The following CNOT6L variants were observed in gnomAD, a reference collection of about 807,000 sequenced individuals.
The protein encoded by CNOT6L is CCR4-NOT transcription complex subunit 6 like.
CNOT6L carries 7 observed loss-of-function variants against 64.0 expected under a neutral mutation model. The ratio of observed to expected loss-of-function variants is 0.11; its 90% CI spans 0.06 to 0.21. The LOEUF is 0.21. CNOT6L is among the 10% of genes least tolerant of loss of function. The pLI is 1.00. For missense variants in CNOT6L, 245 were observed against 669.0 expected (o/e 0.37, Z 6.99); for synonymous variants, 193 against 243.4 (o/e 0.79, Z 1.93).
At chr4:77,787,807 T>G (rs1253196157) in intron 1 of CNOT6L, among the ~76,000 whole-genome samples, 2 of 152,222 alleles carry the variant, frequency 1.3e-5, no homozygotes, top group Non-Finnish European at 2.9e-5. Flanking sequence ...AATTAATTTC[T>G]CCCAACAATC....
At position 77,773,172 on chromosome 4, in the gene CNOT6L, TTA is replaced by T. The variant is rs1491330787; in HGVS notation, c.315-8_315-7del. On this transcript the variant is annotated splice_polypyrimidine_tract_variant and splice_region_variant and intron_variant, in intron 3 of 11. Coordinates refer to ENST00000504123, the MANE Select transcript of CNOT6L (RefSeq NM_144571.3). Reference sequence around the variant, plus strand: ...TGTTATTTAAAAGCAATTCCCTGTTTTAAAAAAAAAAAAAAAATTAGTTTAAT... The same window carrying T: ...TGTTATTTAAAAGCAATTCCCTGTTTAAAAAAAAAAAAAAATTAGTTTAAT... 1.3e-6 allele frequency: 2 copies of T among 1,526,532 alleles called. No homozygotes were observed. Among genetic ancestry groups the T allele is most frequent in the African/African-American group, 1.4e-5 (1 of 69,460 alleles). The allele number at this position is 1,526,532 out of a possible 1,614,324, so 94.6% of individuals were successfully genotyped here.
intron 1 of CNOT6L, among the ~76,000 whole-genome samples, chr4:77,805,782 G>C (rs964893972): frequency 1.1e-4 from 17 of 152,180 alleles, no homozygotes; most frequent in Admixed American, 5.2e-4. Context: ...GCCTTCTCCA[G>C]ACTGAAGAAA....
chr4:77,723,815 G>A (rs1333326196), intron 11 of CNOT6L, among the ~76,000 whole-genome samples: 1 of 152,158 alleles, frequency 6.6e-6, no homozygotes, highest in Non-Finnish European at 1.5e-5. Flanking sequence ...GGCTCAATAG[G>A]ATTTTTGATT....
At chr4:77,739,232 T>C (rs564051463) in intron 8 of CNOT6L, among the ~76,000 whole-genome samples, 9 of 152,304 alleles carry the variant, frequency 5.9e-5, no homozygotes, top group Admixed American at 4.6e-4. Flanking sequence ...CAGTTTTTCA[T>C]GTATGATTAA....
chr4:77,742,069 C>A, intron 8 of CNOT6L, 72 bp downstream of exon 8: 2 of 1,411,708 alleles, frequency 1.4e-6, no homozygotes, highest in East Asian at 2.4e-5. Flanking sequence ...AGGGCAAAAC[C>A]AAAGACAATT....
Position 77,713,949 on chromosome 4 carries a change from AT to A in CNOT6L, c.*6481del, listed in dbSNP as rs1214853395. On this transcript the variant is annotated 3_prime_UTR_variant, in exon 12 of 12. Transcript: ENST00000504123. Reference sequence around the variant, plus strand: ...ATTAAATAGTCTAATTTAAAAAAAAATCTTAGATTTTAAACTGATTACTGAA... The same window carrying A: ...ATTAAATAGTCTAATTTAAAAAAAAACTTAGATTTTAAACTGATTACTGAA... 2 of 152,604 alleles carry A rather than the reference AT, an allele frequency of 1.3e-5. No individual in the cohort carries two copies. The highest frequency in any genetic ancestry group is 2.9e-5 in the Non-Finnish European group (2 of 68,026). The allele number at this position is 152,604 out of a possible 1,614,324, so 9.5% of individuals were successfully genotyped here.
chr4:77,760,044 A>C lies in CNOT6L; in HGVS notation c.401-3093T>G, dbSNP rs528240904. On this transcript the variant is annotated intron_variant, in intron 4 of 11. Coordinates refer to ENST00000504123, the MANE Select transcript of CNOT6L (RefSeq NM_144571.3). Reference sequence around the variant, plus strand: ...TAAACATCACACTTCCCAATAATCCATGAGCCAAAAAGGATGTCACCAGGA... The same window carrying C: ...TAAACATCACACTTCCCAATAATCCCTGAGCCAAAAAGGATGTCACCAGGA... 4.6e-5 allele frequency among the ~76,000 whole-genome samples: 7 copies of C among 152,290 alleles called. No individual in the cohort carries two copies. The South Asian group carries it at 1.4e-3, about 32-fold the overall frequency.
In CNOT6L at chr4:77,714,989, T is replaced by C. The variant is rs1720593127; in HGVS notation, c.*5442A>G. The stretch of plus-strand genomic sequence containing the variant: ...CTACAAACTAAATTAAATTGGTACA[T>C]ATAACAATTGATAGCTTGAAAGACA... On this transcript the variant is annotated 3_prime_UTR_variant, in exon 12 of 12. Transcript: ENST00000504123. 6.6e-6 allele frequency: 1 copy of C among 152,436 alleles called. No homozygotes were observed. Among genetic ancestry groups the C allele is most frequent in the Non-Finnish European group, 1.5e-5 (1 of 68,010 alleles). 9.4% of individuals were successfully genotyped at this position (152,436 alleles called of 1,614,324 possible).
At chr4:77,764,560 G>A (rs555648771) in intron 4 of CNOT6L, among the ~76,000 whole-genome samples, 13 of 152,158 alleles carry the variant, frequency 8.5e-5, no homozygotes, top group African/African-American at 3.1e-4. Flanking sequence ...CTTTCTTGCA[G>A]GAGATCCAAG....
intron 4 of CNOT6L, among the ~76,000 whole-genome samples, chr4:77,760,885 T>TTTTTTTG: frequency 7.8e-6 from 1 of 128,612 alleles, no homozygotes; most frequent in Non-Finnish European, 1.6e-5. Flanking sequence ...TTTTTTTTTT[T>TTTTTTTG]TTTTTTTTTT....
At chr4:77,802,828 A>G (rs1338900310) in intron 1 of CNOT6L, among the ~76,000 whole-genome samples, 3 of 152,250 alleles carry the variant, frequency 2.0e-5, no homozygotes, top group Non-Finnish European at 4.4e-5. Flanking sequence ...ATCTGAACAT[A>G]GTTAAGACCA....
chr4:77,739,609 G>A (rs1723355821), intron 8 of CNOT6L, among the ~76,000 whole-genome samples: 1 of 152,146 alleles, frequency 6.6e-6, no homozygotes, highest in African/African-American at 2.4e-5. Flanking sequence ...GACAGAAGGT[G>A]GTTTTGTTCT....
chr4:77,744,114 T>C (rs977444790), intron 7 of CNOT6L, among the ~76,000 whole-genome samples: 1 of 152,184 alleles, frequency 6.6e-6, no homozygotes, highest in Non-Finnish European at 1.5e-5. Context: ...AAAAAGTTAC[T>C]AAAAACTATT....
At chr4:77,762,983 T>TA (rs533919086) in intron 4 of CNOT6L, among the ~76,000 whole-genome samples, 1 of 152,042 alleles carries the variant, frequency 6.6e-6, no homozygotes. Context: ...AAGTAATCTT[T>TA]AAAAAAATAT....
rs1233493838 is a variant in CNOT6L, at chr4:77,787,507, T to C, written c.6-11115A>G. 2.0e-5 allele frequency among the ~76,000 whole-genome samples: 3 copies of C among 152,290 alleles called. No individual in the cohort carries two copies. The East Asian group carries it at 5.8e-4, about 29-fold the overall frequency. Reference sequence around the variant, plus strand: ...CACTTGCCATCATAAAAGCAAACTATAGCATGGCGTTTCAATGTCATTACA... The same window carrying C: ...CACTTGCCATCATAAAAGCAAACTACAGCATGGCGTTTCAATGTCATTACA... On this transcript the variant is annotated intron_variant, in intron 1 of 11. Transcript: ENST00000504123.
chr4:77,734,248 AAT>A (rs1260817227), intron 8 of CNOT6L, among the ~76,000 whole-genome samples: 1 of 152,162 alleles, frequency 6.6e-6, no homozygotes, highest in Non-Finnish European at 1.5e-5. Context: ...TGATACATTA[AAT>A]ATGTTTATTG....
At position 77,716,566 on chromosome 4, in the gene CNOT6L, A is replaced by T. The variant is rs572902436; in HGVS notation, c.*3865T>A. The T allele has an allele frequency of 2.0e-4, 31 of 152,308 alleles. No individual in the cohort carries two copies. Among genetic ancestry groups the T allele is most frequent in the African/African-American group, 7.0e-4 (29 of 41,570 alleles). 9.4% of individuals were successfully genotyped at this position (152,308 alleles called of 1,614,324 possible). ...AATTTTCACCCATTTAACAATATAA[A>T]CTTAGAATTTTAAAATGGAACACTA... is the stretch of plus-strand genomic sequence containing the variant. On this transcript the variant is annotated 3_prime_UTR_variant, in exon 12 of 12. Transcript: ENST00000504123.
rs1185325494 is a variant in CNOT6L at position 77,719,554 on chromosome 4, A to G, written c.*877T>C. ...TAATGGCAAAAATGACATAGGTCAT[A>G]TAACATCTGTTTTCCTGGCACAACC... On this transcript the variant is annotated 3_prime_UTR_variant, in exon 12 of 12. Coordinates refer to ENST00000504123, the MANE Select transcript of CNOT6L (RefSeq NM_144571.3). 1 of 152,628 alleles carries G rather than the reference A, an allele frequency of 6.6e-6. No individual in the cohort carries two copies. Among genetic ancestry groups the G allele is most frequent in the Admixed American group, 6.5e-5 (1 of 15,276 alleles). 9.5% of individuals were successfully genotyped at this position (152,628 alleles called of 1,614,324 possible). A position where few individuals can be genotyped will look rare whatever the true frequency, so the allele number is the denominator to read the frequency against.
Position 77,714,489 on chromosome 4 carries a change from C to T in CNOT6L, c.*5942G>A, listed in dbSNP as rs1012276589. The stretch of plus-strand genomic sequence containing the variant: ...AAAAAAAAAAAAGCCCTCCATACTT[C>T]CCCACTCCAGAGACAACAAAGCCAA... On this transcript the variant is annotated 3_prime_UTR_variant, in exon 12 of 12. Transcript: ENST00000504123. The T allele has an allele frequency of 6.7e-6, 1 of 149,340 alleles. No homozygotes were observed. The highest frequency in any genetic ancestry group is 1.5e-5 in the Non-Finnish European group (1 of 67,604). The allele number at this position is 149,340 out of a possible 1,614,324, so 9.3% of individuals were successfully genotyped here.
Sources: gnomAD v4.1 joint callset for allele counts (sites outside exome capture counted in the v4.1 genomes callset) on GRCh38, gnomAD v4.1.1 for gene constraint, MANE v1.5 for transcripts, NCBI Gene and HGNC (gene_info 2026-07-23, HGNC 2026-07-21) for gene names.